FBXL20: variants seen among roughly 807,000 people sequenced by gnomAD.
The protein encoded by FBXL20 is F-box/LRR-repeat protein 20.
A neutral mutation model predicts 64.0 loss-of-function variants in FBXL20; 11 were observed. The ratio of observed to expected loss-of-function variants is 0.17; its 90% CI spans 0.11 to 0.28. The LOEUF is 0.28. Among genes scored for constraint, FBXL20 ranks in the 10% least tolerant of loss-of-function variants. The pLI, the probability that FBXL20 is intolerant of heterozygous loss-of-function variation, is 1.00. For synonymous variants in FBXL20, 184 were observed against 189.0 expected, an observed-to-expected ratio of 0.97 and a Z score of 0.22; for missense variants, 303 against 526.2, an observed-to-expected ratio of 0.58 and a Z score of 4.15.
rs2046660652 is a variant in FBXL20, at chr17:39,252,692, T to C, written c.*8768A>G. 1 of 149,598 alleles carries C rather than the reference T, an allele frequency of 6.7e-6. No homozygotes were observed. The highest frequency in any genetic ancestry group is 1.5e-5 in the Non-Finnish European group (1 of 67,532). 9.3% of individuals were successfully genotyped at this position (149,598 alleles called of 1,614,324 possible). A position where few individuals can be genotyped will look rare whatever the true frequency, so the allele number is the denominator to read the frequency against. Reference sequence around the variant, plus strand: ...CAGCTTACTTTCTTTAATTACATCATAAAACAAAATTAGAACATACAAGAA... The same window carrying C: ...CAGCTTACTTTCTTTAATTACATCACAAAACAAAATTAGAACATACAAGAA... On this transcript the variant is annotated 3_prime_UTR_variant, in exon 15 of 15. Transcript: ENST00000264658.
intron 2 of FBXL20, among the ~76,000 whole-genome samples, chr17:39,328,645 T>C (rs189641826): frequency 4.5e-4 from 68 of 152,230 alleles, no homozygotes; most frequent in African/African-American, 1.6e-3. Context: ...ACTAATAAAA[T>C]GTGGAAGTAA....
At chr17:39,392,367 G>A (rs2048142343) in intron 1 of FBXL20, among the ~76,000 whole-genome samples, 1 of 151,174 alleles carries the variant, frequency 6.6e-6, no homozygotes, top group African/African-American at 2.4e-5. Flanking sequence ...CTGAACCTGG[G>A]AGGCGGAGGT....
chr17:39,328,197 G>A (rs2047426752), intron 2 of FBXL20, among the ~76,000 whole-genome samples: 1 of 132,070 alleles, frequency 7.6e-6, no homozygotes. Flanking sequence ...ACAGTGAGCC[G>A]AGATCACGCC....
At chr17:39,390,269 A>G (rs1032193098) in intron 1 of FBXL20, among the ~76,000 whole-genome samples, 12 of 152,066 alleles carry the variant, frequency 7.9e-5, no homozygotes, top group African/African-American at 2.7e-4. Context: ...AAAAAATACA[A>G]AAATTGGCCA....
chr17:39,326,555 A>C (rs1193230369), intron 2 of FBXL20, among the ~76,000 whole-genome samples: 2 of 151,898 alleles, frequency 1.3e-5, no homozygotes, highest in African/African-American at 4.8e-5. Context: ...TGGGAATATC[A>C]AGGCTACAGT....
chr17:39,297,266 A>G (rs1000304903), intron 5 of FBXL20, 71 bp from the exon 6 acceptor site: 151 of 838,682 alleles, frequency 1.8e-4, no homozygotes, highest in Middle Eastern at 2.7e-4. Flanking sequence ...AAGTAATAAA[A>G]TATATTATTA....
intron 6 of FBXL20, among the ~76,000 whole-genome samples, chr17:39,287,684 C>T (rs539892369): frequency 1.4e-4 from 22 of 152,288 alleles, no homozygotes; most frequent in South Asian, 1.0e-3. Flanking sequence ...GGATTACAAG[C>T]ATGATCCACC....
At chr17:39,386,870 T>G (rs947740314) in intron 1 of FBXL20, among the ~76,000 whole-genome samples, 2 of 152,206 alleles carry the variant, frequency 1.3e-5, no homozygotes, top group Non-Finnish European at 2.9e-5. Context: ...TGTGCTTTTT[T>G]GTTCTTATGT....
At chr17:39,368,893 G>C (rs907390995) in intron 1 of FBXL20, among the ~76,000 whole-genome samples, 1 of 152,064 alleles carries the variant, frequency 6.6e-6, no homozygotes, top group Non-Finnish European at 1.5e-5. Context: ...CTCACCTCGT[G>C]ATCTGCCCAC....
chr17:39,363,810 C>CAAAAAAAAAAAACAAAAAA (rs1567896910), intron 1 of FBXL20, among the ~76,000 whole-genome samples: 2 of 26,670 alleles, frequency 7.5e-5, no homozygotes, highest in African/African-American at 4.9e-4. Context: ...GACTTTATCT[C>CAAAAAAAAAAAACAAAAAA]AAAAAAAAAA....
chr17:39,344,899 T>C (rs944777530), intron 1 of FBXL20, among the ~76,000 whole-genome samples: 2 of 152,222 alleles, frequency 1.3e-5, no homozygotes, highest in African/African-American at 4.8e-5. Flanking sequence ...AGTGCATCAC[T>C]TGATGCACTC....
intron 1 of FBXL20, among the ~76,000 whole-genome samples, chr17:39,393,950 G>A (rs945274263): frequency 6.6e-6 from 1 of 152,146 alleles, no homozygotes; most frequent in African/African-American, 2.4e-5. Flanking sequence ...GTTAGTTGCT[G>A]TCAAGTAAAA....
chr17:39,346,694 AC>A (rs2047636128), intron 1 of FBXL20, among the ~76,000 whole-genome samples: 1 of 151,072 alleles, frequency 6.6e-6, no homozygotes, highest in Non-Finnish European at 1.5e-5. Flanking sequence ...ACTGACAATT[AC>A]TTTTTTTTTT....
chr17:39,340,527 T>C (rs1241532540), intron 2 of FBXL20, among the ~76,000 whole-genome samples: 2 of 152,204 alleles, frequency 1.3e-5, no homozygotes, highest in East Asian at 1.9e-4. Flanking sequence ...ACTGTGCCCA[T>C]CCAACAGTCC....
At chr17:39,364,581 G>C (rs1397542098) in intron 1 of FBXL20, among the ~76,000 whole-genome samples, 1 of 152,152 alleles carries the variant, frequency 6.6e-6, no homozygotes, top group Non-Finnish European at 1.5e-5. Flanking sequence ...CTGCACTCCA[G>C]CCTGGGAGAC....
chr17:39,331,962 G>A (rs897757957), intron 2 of FBXL20, among the ~76,000 whole-genome samples: 5 of 152,226 alleles, frequency 3.3e-5, no homozygotes, highest in African/African-American at 1.2e-4. Flanking sequence ...TATGGTCTAT[G>A]AGTAAAAAGT....
intron 2 of FBXL20, among the ~76,000 whole-genome samples, chr17:39,332,310 T>G (rs1374806748): frequency 1.3e-5 from 2 of 152,190 alleles, no homozygotes; most frequent in East Asian, 1.9e-4. Flanking sequence ...CTTGCAAGGT[T>G]AGCCCCTGAA....
At position 39,310,153 on chromosome 17, in the gene FBXL20, TA is replaced by T. The variant is rs34838706; in HGVS notation, c.105-6515del. On this transcript the variant is annotated intron_variant, in intron 2 of 14. Transcript: ENST00000264658. The stretch of plus-strand genomic sequence containing the variant: ...CAGAATGAGACCCTGTCTACAAATT[TA>T]AAAAAAAAAAAAAAGAAAAGAAACG... 2.2e-3 allele frequency among the ~76,000 whole-genome samples: 295 copies of T among 134,528 alleles called. 1 individual carries two copies. Among genetic ancestry groups the T allele is most frequent in the Admixed American group, 2.1e-3 (28 of 13,156 alleles). The allele number at this position is 134,528 out of a possible 152,430, so 88.3% of individuals were successfully genotyped here.
At chr17:39,364,224 T>C (rs1316500447) in intron 1 of FBXL20, among the ~76,000 whole-genome samples, 1 of 152,148 alleles carries the variant, frequency 6.6e-6, no homozygotes, top group African/African-American at 2.4e-5. Flanking sequence ...CAATGCCCCT[T>C]TGCAATGCAA....
Sources: gnomAD v4.1 joint callset for allele counts (sites outside exome capture counted in the v4.1 genomes callset) on GRCh38, gnomAD v4.1.1 for gene constraint, MANE v1.5 for transcripts, NCBI Gene and HGNC (gene_info 2026-07-23, HGNC 2026-07-21) for gene names.